RPL3: variants seen among roughly 807,000 people sequenced by gnomAD.
The protein encoded by RPL3 is large ribosomal subunit protein uL3.
In RPL3, 3 loss-of-function variants were observed where a neutral mutation model predicts 46.0. That is an observed-to-expected ratio of 0.07 (90% CI 0.03 to 0.17). The LOEUF (loss-of-function observed/expected upper bound fraction) is 0.17. Ranked by LOEUF, RPL3 falls within the 10% of genes least tolerant of loss-of-function variation. The probability of loss-of-function intolerance (pLI) is 1.00; values close to 1 mark genes in which losing one functional copy is unlikely to be tolerated. For missense variants in RPL3, 387 were observed against 532.7 expected (o/e 0.73, Z 2.69); for synonymous variants, 224 against 190.8 (o/e 1.17, Z -1.43).
chr22:39,319,498 C>T (rs763507631), intron 1 of RPL3, 97 bp downstream of exon 1: 3 of 1,518,558 alleles, frequency 2.0e-6, no homozygotes, highest in South Asian at 2.4e-5. Context: ...CTAAAGCAAA[C>T]CCCCGGCGCC....
At chr22:39,316,997 G>T in intron 3 of RPL3, 156 bp from the exon 4 acceptor site, 1 of 1,133,700 alleles carries the variant, frequency 8.8e-7, no homozygotes, top group Non-Finnish European at 1.3e-6. Flanking sequence ...CCTGGATGGA[G>T]CTCATCGGGC....
In RPL3 at chr22:39,319,611, C is replaced by T. The variant is rs752857192; in HGVS notation, c.-14G>A. The T allele has an allele frequency of 7.1e-6, 11 of 1,554,966 alleles. No homozygotes were observed. The highest frequency in any genetic ancestry group is 2.3e-5 in the South Asian group (2 of 85,128). On this transcript the variant is annotated 5_prime_UTR_variant, in exon 1 of 10. Coordinates refer to ENST00000216146, the MANE Select transcript of RPL3 (RefSeq NM_000967.4). ...AACACATACCATCACGCCATCAAATCCCGCCGGTAGAGGCCGGTCGGCCTT... is the reference window on the plus strand; with the variant it reads ...AACACATACCATCACGCCATCAAATTCCGCCGGTAGAGGCCGGTCGGCCTT...
At chr22:39,313,764 G>T in intron 7 of RPL3, 35 bp from the exon 8 acceptor site, 1 of 1,597,602 alleles carries the variant, frequency 6.3e-7, no homozygotes, top group South Asian at 1.1e-5. Flanking sequence ...ACAGGCCCAG[G>T]AGGGGATTGT....
chr22:39,315,168 G>A (rs772280427), intron 5 of RPL3: 146 of 860,992 alleles, frequency 1.7e-4, no homozygotes, highest in Non-Finnish European at 2.6e-4. Context: ...GTGTTAAGAA[G>A]TTGTCCCCTG....
chr22:39,313,929 T>C (rs531442805), intron 7 of RPL3, 178 bp downstream of exon 7: 40 of 832,628 alleles, frequency 4.8e-5, no homozygotes, highest in African/African-American at 2.6e-4. Context: ...GAGACCCCAC[T>C]TCTCACCAGC....
Position 39,313,302 on chromosome 22 carries a change from C to G in RPL3, c.1056G>C (p.Leu352=), listed in dbSNP as rs373966529. The G allele has an allele frequency of 2.2e-5, 35 of 1,613,860 alleles. No individual in the cohort carries two copies. The highest frequency in any genetic ancestry group is 3.0e-5 in the Non-Finnish European group (35 of 1,179,976). Residue 352 remains leucine, a synonymous_variant, in exon 9 of 10, where the codon CTG becomes CTC. Transcript: ENST00000216146. ...KRVLTLRKSL[L]VQTKRRALEK... The stretch of plus-strand genomic sequence containing the variant: ...CCAGAGCCCGCCGCTTCGTCTGCAC[C>G]AGCAAGGACTATGGGCCAAGAGGGG...
Position 39,315,594 on chromosome 22 carries a change from C to G in RPL3, c.502-39G>C, listed in dbSNP as rs776557708. On this transcript the variant is annotated intron_variant, in intron 4 of 9. Coordinates refer to ENST00000216146, the MANE Select transcript of RPL3 (RefSeq NM_000967.4). The stretch of plus-strand genomic sequence containing the variant: ...GACACAGCTCAGCTCCAGCTGCCAG[C>G]GCTCCTCCCACAGCAGAGGAACTGC... 7 of 1,609,794 alleles carry G rather than the reference C, an allele frequency of 4.3e-6. No homozygotes were observed. The South Asian group carries it at 4.4e-5, about 10-fold the overall frequency.
chr22:39,317,719 C>T (rs2075345867), intron 2 of RPL3, 90 bp from the exon 3 acceptor site: 10 of 1,485,828 alleles, frequency 6.7e-6, no homozygotes, highest in Middle Eastern at 1.8e-4. Flanking sequence ...CCATTTAGGC[C>T]GGAAGGGCAA....
chr22:39,313,809 T>C (rs766555815), intron 7 of RPL3, 80 bp from the exon 8 acceptor site: 2 of 1,268,486 alleles, frequency 1.6e-6, no homozygotes, highest in Non-Finnish European at 2.3e-6. Flanking sequence ...AGGCCCTCCC[T>C]GACCACAGGG....
At chr22:39,318,337 A>G in intron 2 of RPL3, 63 bp downstream of exon 2, 3 of 1,561,082 alleles carry the variant, frequency 1.9e-6, no homozygotes, top group Non-Finnish European at 2.6e-6. Context: ...GCTTGACTCC[A>G]TCTCTACAAT....
At chr22:39,316,591 C>A (rs1189549466) in intron 4 of RPL3, 115 bp downstream of exon 4, 3 of 1,350,930 alleles carry the variant, frequency 2.2e-6, no homozygotes, top group Non-Finnish European at 3.1e-6. Context: ...GACACAGTGC[C>A]CTCTGCTGGC....
rs768381510 is a variant in RPL3, at chr22:39,313,478, T to G, written c.1047+156A>C. On this transcript the variant is annotated intron_variant, in intron 8 of 9. Coordinates refer to ENST00000216146, the MANE Select transcript of RPL3 (RefSeq NM_000967.4). ...AGCAAACAGCCCAGCAAGGCCAGAC[T>G]GGGAATTTCCTCATCTCAGGACTTC... 2.0e-5 allele frequency: 26 copies of G among 1,293,038 alleles called. No individual in the cohort carries two copies. In the South Asian group the frequency reaches 3.5e-4, roughly 17 times the overall value. 80.1% of individuals were successfully genotyped at this position (1,293,038 alleles called of 1,614,324 possible).
chr22:39,317,384 G>A (rs899726601), intron 3 of RPL3, 77 bp downstream of exon 3: 2 of 1,513,812 alleles, frequency 1.3e-6, no homozygotes, highest in Admixed American at 3.9e-5. Context: ...ACAGAGCTGA[G>A]AAACCATGCA....
chr22:39,315,008 T>TG, intron 5 of RPL3, 162 bp from the exon 6 acceptor site: 1 of 1,017,182 alleles, frequency 9.8e-7, no homozygotes. Context: ...GGATAGGCTC[T>TG]GGGGGTGTCA....
At chr22:39,318,996 G>A (rs779492119) in intron 1 of RPL3, 9 of 539,364 alleles carry the variant, frequency 1.7e-5, no homozygotes, top group Non-Finnish European at 3.0e-5. Flanking sequence ...GGCTGCCTCC[G>A]GTGCCCGGAC....
At chr22:39,319,409 C>T (rs1922910892) in intron 1 of RPL3, 186 bp downstream of exon 1, 2 of 789,858 alleles carry the variant, frequency 2.5e-6, no homozygotes, top group Middle Eastern at 3.3e-4. Context: ...CAAAGCCAGT[C>T]CTCCAAGCGC....
intron 1 of RPL3, among the ~76,000 whole-genome samples, 194 bp from the exon 2 acceptor site, chr22:39,318,786 A>G (rs1227525741): frequency 6.6e-6 from 1 of 152,218 alleles, no homozygotes. Flanking sequence ...ACAAAATTTA[A>G]GCTGAATCTT....
At chr22:39,317,766 G>C in intron 2 of RPL3, 137 bp from the exon 3 acceptor site, 2 of 874,056 alleles carry the variant, frequency 2.3e-6, no homozygotes, top group Non-Finnish European at 3.6e-6. Context: ...TCACAGGGCT[G>C]TCCTTACTGC....
intron 6 of RPL3, 99 bp from the exon 7 acceptor site, chr22:39,314,307 G>A: frequency 1.9e-6 from 2 of 1,032,274 alleles, no homozygotes; most frequent in Non-Finnish European, 3.0e-6. Flanking sequence ...GGCAGCTGAG[G>A]CCTCAGTCCC....
Sources: gnomAD v4.1 joint callset for allele counts (sites outside exome capture counted in the v4.1 genomes callset) on GRCh38, gnomAD v4.1.1 for gene constraint, MANE v1.5 for transcripts, NCBI Gene and HGNC (gene_info 2026-07-23, HGNC 2026-07-21) for gene names.